Variants in ZNF395 observed in about 807,000 individuals in gnomAD.
ZNF395 encodes HD gene regulatory region-binding protein 2.
In ZNF395, 20 loss-of-function variants were observed where a neutral mutation model predicts 57.7. That is an observed-to-expected ratio of 0.35 (90% CI 0.24 to 0.50). The LOEUF (loss-of-function observed/expected upper bound fraction) is 0.50, where lower values mean the gene tolerates loss of function less well. ZNF395 is among the 20% of genes least tolerant of loss of function. ZNF395 has a pLI of 0.97. For missense variants in ZNF395, 606 were observed against 671.2 expected (o/e 0.90, Z 1.07); for synonymous variants, 295 against 275.9 (o/e 1.07, Z -0.69).
intron 1 of ZNF395, among the ~76,000 whole-genome samples, chr8:28,382,494 C>G (rs1299121605): frequency 1.3e-5 from 2 of 152,158 alleles, no homozygotes; most frequent in African/African-American, 4.8e-5. Flanking sequence ...CTCTATACCT[C>G]CCCACATCTG....
intron 1 of ZNF395, among the ~76,000 whole-genome samples, chr8:28,379,284 T>C (rs924773011): frequency 4.6e-5 from 7 of 152,202 alleles, no homozygotes; most frequent in Admixed American, 1.3e-4. Flanking sequence ...AAATGTCACC[T>C]GACCAGCCAA....
chr8:28,371,385 T>C (rs539919220), intron 1 of ZNF395, among the ~76,000 whole-genome samples: 31 of 152,294 alleles, frequency 2.0e-4, no homozygotes, highest in Non-Finnish European at 4.0e-4. Flanking sequence ...TTCACCATGT[T>C]GCCAAGGCTT....
At chr8:28,378,773 G>T (rs902686522) in intron 1 of ZNF395, among the ~76,000 whole-genome samples, 2 of 152,138 alleles carry the variant, frequency 1.3e-5, no homozygotes, top group African/African-American at 4.8e-5. Context: ...CCTAATTCCT[G>T]TCCTTCTCTT....
intron 1 of ZNF395, among the ~76,000 whole-genome samples, chr8:28,375,046 C>A (rs552554561): frequency 6.6e-6 from 1 of 152,276 alleles, no homozygotes; most frequent in African/African-American, 2.4e-5. Flanking sequence ...TAAACAGACA[C>A]GCACCCCCTG....
At chr8:28,349,966 G>T in intron 8 of ZNF395, 98 bp downstream of exon 8, 1 of 1,127,432 alleles carries the variant, frequency 8.9e-7, no homozygotes, top group South Asian at 1.8e-5. Context: ...CCGACCTGTG[G>T]CCACGTGCCC....
At chr8:28,364,468 C>G in intron 1 of ZNF395, among the ~76,000 whole-genome samples, 1 of 152,090 alleles carries the variant, frequency 6.6e-6, no homozygotes, top group East Asian at 1.9e-4. Context: ...GCCTGGCTAA[C>G]ATGGTGAAAC....
chr8:28,350,596 G>A (rs910639202), intron 7 of ZNF395, among the ~76,000 whole-genome samples: 9 of 152,210 alleles, frequency 5.9e-5, no homozygotes, highest in African/African-American at 1.7e-4. Flanking sequence ...CAGGTTCAGG[G>A]CTATTTGTGA....
chr8:28,381,024 TG>T (rs1428604617), intron 1 of ZNF395, among the ~76,000 whole-genome samples: 1 of 128,946 alleles, frequency 7.8e-6, no homozygotes, highest in African/African-American at 4.0e-5. Flanking sequence ...AGTGTGTGTG[TG>T]TGTGTGTGTG....
chr8:28,383,769 T>C (rs1324027282), intron 1 of ZNF395, among the ~76,000 whole-genome samples: 1 of 152,054 alleles, frequency 6.6e-6, no homozygotes, highest in East Asian at 1.9e-4. Context: ...CCGGCATCTG[T>C]AGCCTCTGCA....
intron 1 of ZNF395, among the ~76,000 whole-genome samples, chr8:28,362,812 G>C (rs747660599): frequency 6.6e-6 from 1 of 152,192 alleles, no homozygotes; most frequent in African/African-American, 2.4e-5. Context: ...ATAATAGATT[G>C]GCAAATATTG....
intron 6 of ZNF395, 129 bp from the exon 7 acceptor site, chr8:28,351,936 AC>A: frequency 9.4e-7 from 1 of 1,061,820 alleles, no homozygotes; most frequent in Non-Finnish European, 1.3e-6. Context: ...CCAAGAGAAC[AC>A]CCAGGTGCCT....
chr8:28,349,059 G>A (rs542842240), intron 9 of ZNF395, 66 bp downstream of exon 9: 80 of 1,466,284 alleles, frequency 5.5e-5, no homozygotes, highest in East Asian at 2.1e-4. Context: ...GGGTGGGGTC[G>A]GAGTCCACGC....
At chr8:28,348,877 C>G in intron 9 of ZNF395, 47 bp from the exon 10 acceptor site, 4 of 1,592,554 alleles carry the variant, frequency 2.5e-6, no homozygotes, top group Non-Finnish European at 3.4e-6. Flanking sequence ...AGGTGGTGGG[C>G]CCAGGAGAGT....
At chr8:28,364,316 A>G (rs1801884125) in intron 1 of ZNF395, among the ~76,000 whole-genome samples, 1 of 152,130 alleles carries the variant, frequency 6.6e-6, no homozygotes, top group African/African-American at 2.4e-5. Context: ...ATTTTCATCA[A>G]CTTGGTGTTT....
intron 8 of ZNF395, among the ~76,000 whole-genome samples, chr8:28,349,602 C>T (rs1801652823): frequency 6.6e-6 from 1 of 152,218 alleles, no homozygotes; most frequent in South Asian, 2.1e-4. Flanking sequence ...CCAGCGCCTG[C>T]TAGGTAGAGT....
intron 1 of ZNF395, among the ~76,000 whole-genome samples, chr8:28,363,185 G>A (rs1801871336): frequency 1.3e-5 from 2 of 151,088 alleles, no homozygotes; most frequent in South Asian, 2.1e-4. Flanking sequence ...AGGCTGGAGT[G>A]CAGTGGCGTG....
At chr8:28,375,660 C>T (rs998464658) in intron 1 of ZNF395, among the ~76,000 whole-genome samples, 5 of 152,152 alleles carry the variant, frequency 3.3e-5, no homozygotes, top group South Asian at 2.1e-4. Flanking sequence ...GTTTCTCTCC[C>T]GGCTGCAGCA....
chr8:28,368,245 G>C (rs1291439857), intron 1 of ZNF395, among the ~76,000 whole-genome samples: 1 of 152,112 alleles, frequency 6.6e-6, no homozygotes, highest in Non-Finnish European at 1.5e-5. Context: ...AGCAATTCTA[G>C]CAGTCTTCAG....
chr8:28,374,462 T>A (rs1205974902), intron 1 of ZNF395, among the ~76,000 whole-genome samples: 3 of 152,194 alleles, frequency 2.0e-5, no homozygotes, highest in African/African-American at 7.2e-5. Flanking sequence ...CAATGAAATT[T>A]TCATTTAAAT....
Sources: allele counts gnomAD v4.1 joint callset (sites outside exome capture counted in the v4.1 genomes callset), GRCh38; gene constraint gnomAD v4.1.1; transcripts MANE v1.5; gene names NCBI Gene and HGNC (gene_info 2026-07-23, HGNC 2026-07-21).